DPP6: variants seen among roughly 807,000 people sequenced by gnomAD.
The protein encoded by DPP6 is dipeptidyl peptidase like 6.
A neutral mutation model predicts 122.6 loss-of-function variants in DPP6; 69 were observed. That is an observed-to-expected ratio of 0.56 (90% CI 0.46 to 0.69). DPP6 has a LOEUF of 0.69. Among genes scored for constraint, DPP6 ranks in the 30% least tolerant of loss-of-function variants. The pLI is 0.00. For synonymous variants in DPP6, 418 were observed against 433.1 expected (o/e 0.97, Z 0.43); for missense variants, 928 against 1,116.9 (o/e 0.83, Z 2.41).
intron 1 of DPP6, among the ~76,000 whole-genome samples, chr7:153,984,734 A>C (rs1796758367): frequency 6.6e-6 from 1 of 152,102 alleles, no homozygotes; most frequent in African/African-American, 2.4e-5. Context: ...CATTTAATTC[A>C]ATTTAATCTT....
intron 8 of DPP6, among the ~76,000 whole-genome samples, chr7:154,761,235 T>C (rs896990951): frequency 6.6e-6 from 1 of 152,258 alleles, no homozygotes; most frequent in Non-Finnish European, 1.5e-5. Flanking sequence ...TCCTCTGCTC[T>C]GCACCAACTG....
chr7:154,488,439 C>T (rs954759987), intron 3 of DPP6, among the ~76,000 whole-genome samples: 1 of 149,664 alleles, frequency 6.7e-6, no homozygotes, highest in African/African-American at 2.5e-5. Flanking sequence ...ATTGATAGAG[C>T]GAGACTCTGT....
intron 1 of DPP6, among the ~76,000 whole-genome samples, chr7:154,350,333 T>C (rs2151077913): frequency 6.6e-6 from 1 of 152,250 alleles, no homozygotes; most frequent in South Asian, 2.1e-4. Context: ...GGGAGAGTGG[T>C]CTTCCATTCA....
intron 1 of DPP6, among the ~76,000 whole-genome samples, chr7:153,902,331 A>G (rs1799671717): frequency 6.6e-6 from 1 of 152,220 alleles, no homozygotes; most frequent in Non-Finnish European, 1.5e-5. Context: ...AGCCTCTCAT[A>G]TCTTCATGAT....
intron 1 of DPP6, among the ~76,000 whole-genome samples, chr7:154,393,858 T>C (rs1459130007): frequency 6.6e-6 from 1 of 152,174 alleles, no homozygotes; most frequent in Non-Finnish European, 1.5e-5. Context: ...CTCCATGATT[T>C]TGACTACTCT....
intron 7 of DPP6, among the ~76,000 whole-genome samples, chr7:154,672,887 C>T (rs1170721341): frequency 2.0e-5 from 3 of 152,176 alleles, no homozygotes; most frequent in Non-Finnish European, 4.4e-5. Flanking sequence ...GAAGCAGCTG[C>T]AGACAGTATA....
At chr7:154,795,927 TC>T in intron 12 of DPP6, 44 bp downstream of exon 12, 1 of 1,596,280 alleles carries the variant, frequency 6.3e-7, no homozygotes, top group Non-Finnish European at 8.5e-7. Context: ...CTCCACCTGA[TC>T]CACCCCAGGG....
chr7:154,512,208 C>T (rs1826142653), intron 3 of DPP6, among the ~76,000 whole-genome samples: 1 of 152,106 alleles, frequency 6.6e-6, no homozygotes, highest in African/African-American at 2.4e-5. Flanking sequence ...AAGCTTTAAA[C>T]CTCTTAAACA....
chr7:154,511,273 C>T (rs916645155), intron 3 of DPP6, among the ~76,000 whole-genome samples: 3 of 151,964 alleles, frequency 2.0e-5, no homozygotes, highest in Admixed American at 6.6e-5. Context: ...TTTAATTGCT[C>T]AGTAACCCAG....
At chr7:154,209,241 C>G (rs766484892) in intron 1 of DPP6, among the ~76,000 whole-genome samples, 3 of 152,194 alleles carry the variant, frequency 2.0e-5, no homozygotes, top group Non-Finnish European at 4.4e-5. Context: ...GTCATTTCAG[C>G]CTATTCAGTG....
chr7:154,616,794 A>G (rs2130831667), intron 5 of DPP6, among the ~76,000 whole-genome samples: 1 of 152,334 alleles, frequency 6.6e-6, no homozygotes. Context: ...AACCACAGTG[A>G]CGGGAAACAT....
At chr7:153,842,444 T>G in the DPP6 span, among the ~76,000 whole-genome samples, 1 of 152,160 alleles carries the variant, frequency 6.6e-6, no homozygotes, top group East Asian at 1.9e-4. Flanking sequence ...TTTCTTTTTT[T>G]GTGTGAGATA....
chr7:153,907,373 G>A (rs1232805938), intron 1 of DPP6, among the ~76,000 whole-genome samples: 1 of 152,184 alleles, frequency 6.6e-6, no homozygotes. Context: ...AAGAGGGACA[G>A]ACAAACTGGC....
intron 1 of DPP6, among the ~76,000 whole-genome samples, chr7:154,008,901 G>A (rs1171451818): frequency 3.3e-5 from 5 of 149,342 alleles, no homozygotes; most frequent in East Asian, 2.0e-4. Context: ...TCCTGACCTC[G>A]TGATCCGCCC....
At chr7:154,085,457 C>A (rs999018678) in intron 1 of DPP6, among the ~76,000 whole-genome samples, 1 of 152,162 alleles carries the variant, frequency 6.6e-6, no homozygotes, top group Non-Finnish European at 1.5e-5. Context: ...CATTTTATAC[C>A]TCTTTTTAAT....
chr7:154,512,266 C>T (rs994371412), intron 3 of DPP6, among the ~76,000 whole-genome samples: 1 of 152,118 alleles, frequency 6.6e-6, no homozygotes, highest in South Asian at 2.1e-4. Context: ...TTCAGATAAT[C>T]CTGTCACAGA....
At chr7:154,517,858 C>A (rs796160451) in intron 3 of DPP6, among the ~76,000 whole-genome samples, 1 of 152,086 alleles carries the variant, frequency 6.6e-6, no homozygotes, top group African/African-American at 2.4e-5. Context: ...AAACAGATAT[C>A]GCACTGCAAG....
intron 1 of DPP6, among the ~76,000 whole-genome samples, chr7:154,210,389 G>A (rs1799676296): frequency 6.6e-6 from 1 of 152,088 alleles, no homozygotes; most frequent in South Asian, 2.1e-4. Flanking sequence ...TGAACTCTGG[G>A]GCCAGGCTGC....
At chr7:154,778,331 G>A (rs1796711007) in intron 10 of DPP6, among the ~76,000 whole-genome samples, 1 of 152,006 alleles carries the variant, frequency 6.6e-6, no homozygotes, top group African/African-American at 2.4e-5. Context: ...GATGCCCCCA[G>A]CTCCTGGGCA....
Sources: allele counts gnomAD v4.1 joint callset (sites outside exome capture counted in the v4.1 genomes callset), GRCh38; gene constraint gnomAD v4.1.1; transcripts MANE v1.5; gene names NCBI Gene and HGNC (gene_info 2026-07-23, HGNC 2026-07-21).